The following LRRFIP1 variants were observed in gnomAD, a reference collection of about 807,000 sequenced individuals.
LRRFIP1 encodes the protein leucine-rich repeat flightless-interacting protein 1.
In LRRFIP1, 62 loss-of-function variants were observed where a neutral mutation model predicts 104.4. That is an observed-to-expected ratio of 0.59 (90% CI 0.48 to 0.73). LRRFIP1 has a LOEUF of 0.73. Among genes scored for constraint, LRRFIP1 ranks in the 30% least tolerant of loss-of-function variants. The pLI, the probability that LRRFIP1 is intolerant of heterozygous loss-of-function variation, is 0.00. For missense variants in LRRFIP1, 796 were observed against 824.5 expected (o/e 0.97, Z 0.42); for synonymous variants, 300 against 299.0 (o/e 1.00, Z -0.03).
intron 1 of LRRFIP1, among the ~76,000 whole-genome samples, chr2:237,638,427 C>T (rs1299957956): frequency 1.3e-5 from 2 of 152,204 alleles, no homozygotes; most frequent in African/African-American, 2.4e-5. Flanking sequence ...CTCACTCACC[C>T]GCCTGCCGCT....
rs576824440 is a variant in LRRFIP1, at chr2:237,769,462, A to T, written c.1460-481A>T. On this transcript the variant is annotated intron_variant, in intron 19 of 23. Transcript: ENST00000308482. ...GAGGTGTTAGTGGACTTAGGGTTGT[A>T]AACAGATACTCATGGCACTGACATC... 5.7e-4 allele frequency: 90 copies of T among 159,152 alleles called. 3 individuals are homozygous for T. The South Asian group carries it at 0.016, about 29-fold the overall frequency. 9.9% of individuals were successfully genotyped at this position (159,152 alleles called of 1,614,324 possible). A position where few individuals can be genotyped will look rare whatever the true frequency, so the allele number is the denominator to read the frequency against.
At chr2:237,695,280 C>A (rs1386427190) in intron 1 of LRRFIP1, among the ~76,000 whole-genome samples, 1 of 152,164 alleles carries the variant, frequency 6.6e-6, no homozygotes, top group Non-Finnish European at 1.5e-5. Flanking sequence ...ACAGCGGAAG[C>A]CTCCTTAGCA....
At position 237,748,355 on chromosome 2, in the gene LRRFIP1, C is replaced by T. The variant is rs748528389; in HGVS notation, c.634-9C>T. On this transcript the variant is annotated splice_polypyrimidine_tract_variant and intron_variant, in intron 11 of 23. Transcript: ENST00000308482. ...AAGTATTTAATATTTTGTCTGTTTT[C>T]GTCTACAGGTAGAAGAGAGACCAGA... The T allele has an allele frequency of 6.2e-6, 10 of 1,601,654 alleles. No individual in the cohort carries two copies. The highest frequency in any genetic ancestry group is 3.3e-5 in the South Asian group (3 of 89,924).
intron 6 of LRRFIP1, chr2:237,721,277 C>G (rs1264874582): frequency 6.2e-6 from 1 of 160,906 alleles, no homozygotes; most frequent in East Asian, 1.7e-4. Flanking sequence ...TATAGACTGC[C>G]TGCTGAAAAC....
intron 19 of LRRFIP1, chr2:237,763,297 C>T (rs15232): frequency 0.049 from 78,669 of 1,613,968 alleles, 5,565 homozygotes; most frequent in African/African-American, 0.31. Context: ...CTGAGGGCAA[C>T]TGTCAGGAAG....
In LRRFIP1 at chr2:237,760,191, G is replaced by A. The variant is rs759025143; in HGVS notation, c.1445G>A (p.Gly482Glu). ...KEELNALKST[G>E]DGTLDIRLKK... ...GAGTTAAATGCCCTCAAGTCGACAGGGGATGGGACCCTAGGTAAGTATTTG... is the reference window on the plus strand; with the variant it reads ...GAGTTAAATGCCCTCAAGTCGACAGAGGATGGGACCCTAGGTAAGTATTTG... The change falls in exon 19 of 24, where the codon GGG (glycine) becomes GAG (glutamate). Residue 482 changes from glycine (G) to glutamate (E), a missense_variant. By Grantham distance (98) the Gly-to-Glu change is moderately conservative. Coordinates refer to ENST00000308482, the MANE Select transcript of LRRFIP1 (RefSeq NM_001137550.2). 6.2e-7 allele frequency: 1 copy of A among 1,614,116 alleles called. No homozygotes were observed. The highest frequency in any genetic ancestry group is 1.1e-5 in the South Asian group (1 of 91,074).
chr2:237,732,229 A>G (rs2095043962), intron 8 of LRRFIP1, among the ~76,000 whole-genome samples: 1 of 152,038 alleles, frequency 6.6e-6, no homozygotes, highest in South Asian at 2.1e-4. Context: ...TTTTGGTTGT[A>G]TAAGGTAATC....
chr2:237,654,406 GT>G (rs2086446184), intron 1 of LRRFIP1, among the ~76,000 whole-genome samples: 1 of 152,214 alleles, frequency 6.6e-6, no homozygotes, highest in Non-Finnish European at 1.5e-5. Flanking sequence ...ATCGTACACT[GT>G]TGGTGGGAAT....
chr2:237,664,907 T>C (rs2088891617), intron 1 of LRRFIP1, among the ~76,000 whole-genome samples: 1 of 152,234 alleles, frequency 6.6e-6, no homozygotes, highest in Non-Finnish European at 1.5e-5. Context: ...TTCCATTACA[T>C]TGCAGAATGT....
At chr2:237,737,973 G>A (rs1223211000) in intron 10 of LRRFIP1, among the ~76,000 whole-genome samples, 1 of 152,156 alleles carries the variant, frequency 6.6e-6, no homozygotes, top group African/African-American at 2.4e-5. Context: ...GACATTTGAT[G>A]GTTATTTTAG....
intron 5 of LRRFIP1, among the ~76,000 whole-genome samples, chr2:237,720,066 C>T (rs1484703398): frequency 2.6e-5 from 4 of 151,012 alleles, no homozygotes; most frequent in Non-Finnish European, 5.9e-5. Context: ...CGTGTCTCAG[C>T]CTCCCAAGTA....
intron 13 of LRRFIP1, among the ~76,000 whole-genome samples, chr2:237,749,826 A>G (rs2058360661): frequency 1.3e-5 from 2 of 151,828 alleles, no homozygotes; most frequent in South Asian, 2.1e-4. Context: ...ATCCCACTGT[A>G]GTGTAGGTAT....
At chr2:237,751,119 A>G in intron 13 of LRRFIP1, 81 bp from the exon 14 acceptor site, 8 of 966,464 alleles carry the variant, frequency 8.3e-6, no homozygotes, top group Non-Finnish European at 1.2e-5. Flanking sequence ...ACCCAAATAG[A>G]AACTACCCTG....
At chr2:237,665,246 A>G (rs1440682868) in intron 1 of LRRFIP1, among the ~76,000 whole-genome samples, 1 of 151,878 alleles carries the variant, frequency 6.6e-6, no homozygotes, top group Non-Finnish European at 1.5e-5. Flanking sequence ...AGCTTAAAAA[A>G]AGAAAAAATG....
intron 20 of LRRFIP1, among the ~76,000 whole-genome samples, chr2:237,771,565 C>G (rs1040358507): frequency 2.0e-4 from 17 of 83,876 alleles, no homozygotes; most frequent in Non-Finnish European, 3.5e-4. Context: ...CCCCCCCCCC[C>G]GCCCAGATAC....
intron 8 of LRRFIP1, 98 bp from the exon 9 acceptor site, chr2:237,733,676 C>A: frequency 2.5e-6 from 3 of 1,194,252 alleles, no homozygotes; most frequent in Non-Finnish European, 2.5e-6. Flanking sequence ...CAGCAGTTGG[C>A]TATGGTGAAT....
intron 8 of LRRFIP1, among the ~76,000 whole-genome samples, chr2:237,730,987 C>T (rs969192102): frequency 6.6e-6 from 1 of 152,090 alleles, no homozygotes; most frequent in African/African-American, 2.4e-5. Flanking sequence ...CCAGGTAGAG[C>T]CTAGAGGGGA....
At chr2:237,760,006 C>G in intron 18 of LRRFIP1, 58 bp from the exon 19 acceptor site, 12 of 1,510,110 alleles carry the variant, frequency 7.9e-6, no homozygotes, top group Non-Finnish European at 1.1e-5. Context: ...TGTATTAAAA[C>G]AGAGTTTAAC....
At chr2:237,749,084 C>T (rs2058253838) in intron 12 of LRRFIP1, 115 bp from the exon 13 acceptor site, 1 of 1,107,188 alleles carries the variant, frequency 9.0e-7, no homozygotes, top group Admixed American at 2.7e-5. Flanking sequence ...CCAGTCTCCT[C>T]CCACCAGGGC....
Sources: allele counts gnomAD v4.1 joint callset (sites outside exome capture counted in the v4.1 genomes callset), GRCh38; gene constraint gnomAD v4.1.1; transcripts MANE v1.5; gene names NCBI Gene and HGNC (gene_info 2026-07-23, HGNC 2026-07-21).